Variants in ATP11A observed in about 807,000 individuals in gnomAD.
ATP11A encodes ATPase phospholipid transporting 11A.
In ATP11A, 81 loss-of-function variants were observed where a neutral mutation model predicts 154.4. The observed-to-expected ratio is 0.52, with a 90% confidence interval of 0.44 to 0.63. The LOEUF is 0.63. Ranked by LOEUF, ATP11A falls within the 30% of genes least tolerant of loss-of-function variation. ATP11A has a pLI of 0.00. For missense variants in ATP11A, 1,316 were observed against 1,474.3 expected (o/e 0.89, Z 1.76); for synonymous variants, 623 against 585.9 (o/e 1.06, Z -0.91).
At chr13:112,834,956 C>T (rs778893544) in intron 15 of ATP11A, among the ~76,000 whole-genome samples, 3 of 152,244 alleles carry the variant, frequency 2.0e-5, no homozygotes, top group Admixed American at 1.3e-4. Flanking sequence ...GGTTAAGCCA[C>T]CTGAAGTCAG....
At chr13:112,806,724 G>T (rs1324671685) in intron 4 of ATP11A, among the ~76,000 whole-genome samples, 1 of 151,896 alleles carries the variant, frequency 6.6e-6, no homozygotes, top group East Asian at 1.9e-4. Flanking sequence ...ACATGGAGAA[G>T]AATACATCTC....
Position 112,859,098 on chromosome 13 carries a change from C to A in ATP11A, c.2668-295C>A, listed in dbSNP as rs1190514626. 1.4e-5 allele frequency: 5 copies of A among 362,148 alleles called. No homozygotes were observed. Among genetic ancestry groups the A allele is most frequent in the Non-Finnish European group, 2.6e-5 (5 of 192,664 alleles). The allele number at this position is 362,148 out of a possible 1,614,324, so 22.4% of individuals were successfully genotyped here. On this transcript the variant is annotated intron_variant, in intron 22 of 29. Coordinates refer to ENST00000375645, the MANE Select transcript of ATP11A (RefSeq NM_015205.3). This position sits in a 1 kb window ranked among gnomAD's most constrained non-coding sequence, Gnocchi z 4.3. ...TGTTTGAGGAAGGATTCCTTATTCA[C>A]TGTGCAGTTCGATTCTTTCCCGTTT...
At chr13:112,880,380 C>T (rs1315619971) in intron 29 of ATP11A, 19 of 423,914 alleles carry the variant, frequency 4.5e-5, no homozygotes, top group Admixed American at 3.9e-4. Flanking sequence ...TTTCCCAAGA[C>T]GCCCCAAGCC....
At chr13:112,870,912 G>T (rs118191518) in intron 25 of ATP11A, among the ~76,000 whole-genome samples, 1 of 152,180 alleles carries the variant, frequency 6.6e-6, no homozygotes, top group Non-Finnish European at 1.5e-5. Flanking sequence ...TCGGGCACGC[G>T]GTCCTCACGG....
chr13:112,871,547 C>T (rs995087344), intron 25 of ATP11A, among the ~76,000 whole-genome samples, 188 bp from the exon 26 acceptor site: 5 of 152,130 alleles, frequency 3.3e-5, no homozygotes, highest in East Asian at 3.9e-4. Context: ...ATGGGGGCGT[C>T]CTGCCGTGCT....
intron 2 of ATP11A, among the ~76,000 whole-genome samples, chr13:112,800,228 T>A (rs2078098037): frequency 2.2e-5 from 3 of 138,316 alleles, no homozygotes; most frequent in Admixed American, 7.1e-5. Context: ...AAAAAAAAAA[T>A]CAATAAAATC....
At position 112,760,352 on chromosome 13, in the gene ATP11A, G is replaced by A. The variant is rs2076935731; in HGVS notation, c.40-24783G>A. 2.0e-5 allele frequency among the ~76,000 whole-genome samples: 3 copies of A among 152,200 alleles called. No homozygotes were observed. The South Asian group carries it at 6.2e-4, about 32-fold the overall frequency. On this transcript the variant is annotated intron_variant, in intron 1 of 29. Coordinates refer to ENST00000375645, the MANE Select transcript of ATP11A (RefSeq NM_015205.3). ...GCCCCCGCCGAGTCCAGTGTGGGTG[G>A]CAGAGACGCATCCAGAAGCCCCCAG...
At chr13:112,772,092 T>C (rs1267859076) in intron 1 of ATP11A, among the ~76,000 whole-genome samples, 1 of 152,248 alleles carries the variant, frequency 6.6e-6, no homozygotes, top group Non-Finnish European at 1.5e-5. Context: ...GGTTGGATAC[T>C]GTCCTATTTT....
chr13:112,692,501 TAA>T (rs1885314055), intron 1 of ATP11A, among the ~76,000 whole-genome samples: 2 of 152,376 alleles, frequency 1.3e-5, no homozygotes, highest in African/African-American at 4.8e-5. Context: ...TAGATCTATA[TAA>T]GTGTTTGCGT....
rs2078319977 is a variant in ATP11A at position 112,806,251 on chromosome 13, A to C, written c.291A>C (p.Gly97=). The part of the protein sequence containing the change: ...IDTPTSPVTS[G]LPLFFVITVT... ...CACCCACAAGTCCAGTGACAAGCGG[A>C]CTTCCACTCTTCTTTGTCATTACTG... is the stretch of plus-strand genomic sequence containing the variant. The change falls in exon 4 of 30, where the codon GGA becomes GGC. Residue 97 remains glycine, a synonymous_variant. Coordinates refer to ENST00000375645, the MANE Select transcript of ATP11A (RefSeq NM_015205.3). The C allele has an allele frequency of 6.2e-7, 1 of 1,613,676 alleles. No homozygotes were observed. The highest frequency in any genetic ancestry group is 1.3e-5 in the African/African-American group (1 of 74,920).
intron 27 of ATP11A, among the ~76,000 whole-genome samples, chr13:112,874,325 C>T (rs534266705): frequency 9.2e-4 from 140 of 152,318 alleles, no homozygotes; most frequent in African/African-American, 3.2e-3. Flanking sequence ...CCTGGACCGC[C>T]GGCCGTGAGG....
At position 112,838,500 on chromosome 13, in the gene ATP11A, G is replaced by A. The variant is rs1021866895; in HGVS notation, c.1705+2249G>A. Among the ~76,000 whole-genome samples the A allele has an allele frequency of 2.0e-5, 3 of 152,228 alleles. No individual in the cohort carries two copies. The highest frequency in any genetic ancestry group is 6.5e-5 in the Admixed American group (1 of 15,286). ...GGCAAGCATCAGCCACCCCGGAGCC[G>A]CCCCTGCCGCGCACTCACCCCGGAG... On this transcript the variant is annotated intron_variant, in intron 16 of 29. Transcript: ENST00000375645. The surrounding 1 kb of genome is among the most constrained non-coding windows in gnomAD (Gnocchi z 7.3).
At chr13:112,839,167 T>C (rs1162423680) in intron 16 of ATP11A, among the ~76,000 whole-genome samples, 1 of 152,180 alleles carries the variant, frequency 6.6e-6, no homozygotes, top group Non-Finnish European at 1.5e-5. Context: ...GCCTTCCCTT[T>C]CAAAGGCAGA....
intron 1 of ATP11A, among the ~76,000 whole-genome samples, chr13:112,755,293 C>A (rs1050284259): frequency 1.3e-5 from 2 of 152,102 alleles, no homozygotes; most frequent in Non-Finnish European, 2.9e-5. Context: ...GTTTTCGTGT[C>A]TTCTGCTTTC....
chr13:112,732,730 T>C (rs910124573), intron 1 of ATP11A, among the ~76,000 whole-genome samples: 8 of 152,122 alleles, frequency 5.3e-5, no homozygotes, highest in Admixed American at 4.6e-4. Context: ...TTACGCCTCA[T>C]CCTCCCGAGT....
chr13:112,866,968 G>A (rs2080354335), intron 25 of ATP11A, among the ~76,000 whole-genome samples: 1 of 152,138 alleles, frequency 6.6e-6, no homozygotes, highest in Non-Finnish European at 1.5e-5. Flanking sequence ...ACCAGGCCAT[G>A]AACGTCATCA....
intron 1 of ATP11A, among the ~76,000 whole-genome samples, chr13:112,741,065 G>A (rs1273534027): frequency 2.0e-5 from 3 of 152,246 alleles, no homozygotes; most frequent in Non-Finnish European, 4.4e-5. Flanking sequence ...TTAGGTCAGT[G>A]TTTCTAATAC....
chr13:112,774,773 G>A (rs138726957), intron 1 of ATP11A, among the ~76,000 whole-genome samples: 1 of 152,332 alleles, frequency 6.6e-6, no homozygotes, highest in Non-Finnish European at 1.5e-5. Flanking sequence ...CTGGGTCTCT[G>A]GGTCAGGTCT....
intron 6 of ATP11A, among the ~76,000 whole-genome samples, chr13:112,818,257 G>GA (rs2078701083): frequency 6.6e-6 from 1 of 150,408 alleles, no homozygotes; most frequent in African/African-American, 2.5e-5. Flanking sequence ...TGCGCTTGGT[G>GA]ACGGGGCGAT....
Sources: gnomAD v4.1 joint callset for allele counts (sites outside exome capture counted in the v4.1 genomes callset) on GRCh38, gnomAD v4.1.1 for gene constraint, Gnocchi (gnomAD v3.1) non-coding constraint, MANE v1.5 for transcripts, NCBI Gene and HGNC (gene_info 2026-07-23, HGNC 2026-07-21) for gene names.